The following ADK variants were observed in gnomAD, a reference collection of about 807,000 sequenced individuals.
ADK encodes adenosine kinase.
Under a neutral mutation model 44.7 loss-of-function variants are expected in ADK, and 24 were observed. That is an observed-to-expected ratio of 0.54 (90% CI 0.39 to 0.76). ADK has a LOEUF of 0.76. ADK is among the 30% of genes least tolerant of loss of function. ADK has a pLI of 0.00. For missense variants in ADK, 321 were observed against 425.1 expected, an observed-to-expected ratio of 0.76 and a Z score of 2.15; for synonymous variants, 128 against 142.6, an observed-to-expected ratio of 0.90 and a Z score of 0.73.
intron 7 of ADK, among the ~76,000 whole-genome samples, chr10:74,548,573 G>T (rs1355960184): frequency 6.6e-6 from 1 of 152,118 alleles, no homozygotes; most frequent in Admixed American, 6.5e-5. Flanking sequence ...ATTTTATCTG[G>T]CAACCCTACC....
chr10:74,437,813 G>A lies in ADK; in HGVS notation c.555+39234G>A, dbSNP rs1845237553. ...TAAACTCCAAACTTTCTGCCATGGT[G>A]TATAAAGCCCTACATGTCTTACATG... On this transcript the variant is annotated intron_variant, in intron 6 of 10. Transcript: ENST00000539909. 3.3e-5 allele frequency among the ~76,000 whole-genome samples: 5 copies of A among 152,298 alleles called. No homozygotes were observed. In the South Asian group the frequency reaches 1.0e-3, roughly 32 times the overall value.
chr10:74,570,495 A>C (rs1315034229), intron 7 of ADK, among the ~76,000 whole-genome samples: 1 of 151,572 alleles, frequency 6.6e-6, no homozygotes, highest in African/African-American at 2.4e-5. Flanking sequence ...CTCCTTGAAG[A>C]GGTCCTTCAC....
intron 10 of ADK, among the ~76,000 whole-genome samples, chr10:74,673,421 G>A (rs1268777432): frequency 6.6e-6 from 1 of 152,228 alleles, no homozygotes; most frequent in Non-Finnish European, 1.5e-5. Context: ...AGCCACTTTG[G>A]TGCCAGCAGG....
intron 4 of ADK, among the ~76,000 whole-genome samples, chr10:74,340,118 T>G (rs1346258868): frequency 1.3e-5 from 2 of 152,212 alleles, no homozygotes; most frequent in Admixed American, 6.5e-5. Flanking sequence ...GAGTTAATAT[T>G]AACATATTCT....
intron 3 of ADK, among the ~76,000 whole-genome samples, chr10:74,237,942 T>C (rs1432217283): frequency 6.6e-6 from 1 of 151,984 alleles, no homozygotes; most frequent in Non-Finnish European, 1.5e-5. Context: ...CTACTAAGAA[T>C]AGAAAATTAG....
At chr10:74,368,427 T>C (rs924280737) in intron 4 of ADK, among the ~76,000 whole-genome samples, 5 of 151,890 alleles carry the variant, frequency 3.3e-5, no homozygotes, top group African/African-American at 1.2e-4. Flanking sequence ...CCTTTTGCAG[T>C]GTTTTTTTTT....
intron 4 of ADK, among the ~76,000 whole-genome samples, chr10:74,375,388 G>A (rs1003589663): frequency 4.6e-5 from 7 of 152,020 alleles, no homozygotes; most frequent in African/African-American, 1.7e-4. Context: ...GAATATATAT[G>A]TCTATTGTTT....
rs71024514 is a variant in ADK, at chr10:74,547,484, A to ATT, written c.726+22072_726+22073dup. 7.0e-3 allele frequency among the ~76,000 whole-genome samples: 856 copies of ATT among 122,262 alleles called. 14 individuals carry two copies. The highest frequency in any genetic ancestry group is 0.02 in the African/African-American group (640 of 32,262). 80.2% of individuals were successfully genotyped at this position (122,262 alleles called of 152,430 possible). A position where few individuals can be genotyped will look rare whatever the true frequency, so the allele number is the denominator to read the frequency against. On this transcript the variant is annotated intron_variant, in intron 7 of 10. Coordinates refer to ENST00000539909, the MANE Select transcript of ADK (RefSeq NM_006721.4). The stretch of plus-strand genomic sequence containing the variant: ...TTTATTTATTTATTTTTATTTTATT[A>ATT]TTTTTTTTTTTTTTTGGAGACAGAG...
At chr10:74,156,028 A>T (rs916519169) in intron 1 of ADK, among the ~76,000 whole-genome samples, 1 of 152,204 alleles carries the variant, frequency 6.6e-6, no homozygotes, top group Non-Finnish European at 1.5e-5. Flanking sequence ...CCCCTAATGC[A>T]CTTAGTATGA....
At chr10:74,608,269 C>T (rs977126900) in intron 9 of ADK, among the ~76,000 whole-genome samples, 2 of 151,852 alleles carry the variant, frequency 1.3e-5, no homozygotes, top group East Asian at 3.9e-4. Context: ...AGTTTTGTTC[C>T]CTTGCTGGTG....
intron 7 of ADK, among the ~76,000 whole-genome samples, chr10:74,537,842 C>T (rs1331526811): frequency 6.6e-6 from 1 of 152,046 alleles, no homozygotes; most frequent in Non-Finnish European, 1.5e-5. Flanking sequence ...AATAAAATAA[C>T]AGTTTGAAAT....
chr10:74,424,642 T>C (rs1310885693), intron 6 of ADK, among the ~76,000 whole-genome samples: 2 of 151,990 alleles, frequency 1.3e-5, no homozygotes, highest in Non-Finnish European at 1.5e-5. Flanking sequence ...ATGCTTTTCT[T>C]TATAGGATAG....
At chr10:74,549,808 A>G (rs967484453) in intron 7 of ADK, among the ~76,000 whole-genome samples, 1 of 152,178 alleles carries the variant, frequency 6.6e-6, no homozygotes, top group Non-Finnish European at 1.5e-5. Context: ...ATGTATGTAA[A>G]ATATACACAG....
chr10:74,508,916 T>G (rs1848187790), intron 6 of ADK, among the ~76,000 whole-genome samples: 1 of 152,208 alleles, frequency 6.6e-6, no homozygotes. Flanking sequence ...GTTTCTACTC[T>G]ATTGCTTTTA....
chr10:74,210,067 C>T (rs922606626), intron 2 of ADK, among the ~76,000 whole-genome samples: 21 of 152,082 alleles, frequency 1.4e-4, no homozygotes, highest in African/African-American at 5.1e-4. Flanking sequence ...CGGTGGCTCA[C>T]ACCTGTAATC....
intron 1 of ADK, chr10:74,176,699 A>G (rs1415336916): frequency 1.4e-6 from 2 of 1,462,242 alleles, no homozygotes; most frequent in African/African-American, 1.4e-5. Context: ...CTTCCCTCCA[A>G]TCAGCACGCC....
chr10:74,357,886 ATATT>A (rs1219715050), intron 4 of ADK, among the ~76,000 whole-genome samples: 1 of 152,208 alleles, frequency 6.6e-6, no homozygotes, highest in Non-Finnish European at 1.5e-5. Flanking sequence ...TGGCGAAATT[ATATT>A]TATTTGAACA....
chr10:74,250,507 A>G (rs1209215897), intron 3 of ADK, among the ~76,000 whole-genome samples: 1 of 152,192 alleles, frequency 6.6e-6, no homozygotes, highest in African/African-American at 2.4e-5. Context: ...AAAGTTTTAT[A>G]TACAAGGTTA....
At chr10:74,173,476 G>T (rs1314825471) in intron 1 of ADK, among the ~76,000 whole-genome samples, 2 of 150,000 alleles carry the variant, frequency 1.3e-5, no homozygotes. Flanking sequence ...TGTTGCCCAG[G>T]CTGGAGTGCA....
Sources: gnomAD v4.1 joint callset for allele counts (sites outside exome capture counted in the v4.1 genomes callset) on GRCh38, gnomAD v4.1.1 for gene constraint, MANE v1.5 for transcripts, NCBI Gene and HGNC (gene_info 2026-07-23, HGNC 2026-07-21) for gene names.